GRM8: variants seen among roughly 807,000 people sequenced by gnomAD.
GRM8 encodes the protein glutamate metabotropic receptor 8.
In GRM8, 47 loss-of-function variants were observed where a neutral mutation model predicts 87.2. That is an observed-to-expected ratio of 0.54 (90% CI 0.43 to 0.69). GRM8 has a LOEUF of 0.69. GRM8 is among the 30% of genes least tolerant of loss of function. The pLI, the probability that GRM8 is intolerant of heterozygous loss-of-function variation, is 0.00. For synonymous variants in GRM8, 396 were observed against 404.5 expected (o/e 0.98, Z 0.25); for missense variants, 1,019 against 1,139.2 (o/e 0.89, Z 1.52).
chr7:127,099,708 T>C (rs370630265), intron 3 of GRM8, among the ~76,000 whole-genome samples: 39 of 152,328 alleles, frequency 2.6e-4, no homozygotes, highest in African/African-American at 7.5e-4. Context: ...TACTAACCTG[T>C]TGTCCTCCTA....
At chr7:126,491,779 T>C (rs141173292) in intron 9 of GRM8, among the ~76,000 whole-genome samples, 4 of 152,210 alleles carry the variant, frequency 2.6e-5, no homozygotes, top group African/African-American at 9.6e-5. Context: ...ACTTTAGCAA[T>C]ATAAGAAAAT....
At chr7:127,120,888 C>T (rs1438822980) in intron 2 of GRM8, among the ~76,000 whole-genome samples, 3 of 152,144 alleles carry the variant, frequency 2.0e-5, no homozygotes, top group Admixed American at 6.5e-5. Flanking sequence ...GCATCAAATG[C>T]TAGCATGGAG....
At chr7:127,029,110 G>A (rs975134881) in intron 3 of GRM8, among the ~76,000 whole-genome samples, 1 of 152,098 alleles carries the variant, frequency 6.6e-6, no homozygotes, top group African/African-American at 2.4e-5. Context: ...AGTTATTCAG[G>A]AGCAGATTGT....
chr7:126,729,190 C>T (rs1320156126), intron 7 of GRM8, among the ~76,000 whole-genome samples: 1 of 152,156 alleles, frequency 6.6e-6, no homozygotes, highest in African/African-American at 2.4e-5. Context: ...CCAATTGTAG[C>T]CCACATGATT....
intron 3 of GRM8, among the ~76,000 whole-genome samples, chr7:126,969,974 G>C (rs1349705476): frequency 6.6e-6 from 1 of 150,622 alleles, no homozygotes; most frequent in African/African-American, 2.4e-5. Context: ...TGTTCTCAAT[G>C]AGCAGTACTA....
chr7:126,581,150 T>G (rs1419499), intron 8 of GRM8, among the ~76,000 whole-genome samples: 46,872 of 151,726 alleles, frequency 0.31, 8,108 homozygotes, highest in East Asian at 0.44. Flanking sequence ...AGGTTTTCAA[T>G]TTTTAGAAAA....
chr7:127,050,349 G>A (rs1819342751), intron 3 of GRM8, among the ~76,000 whole-genome samples: 1 of 152,150 alleles, frequency 6.6e-6, no homozygotes, highest in Non-Finnish European at 1.5e-5. Flanking sequence ...CAGAAGACTG[G>A]AACCATGGAG....
intron 3 of GRM8, among the ~76,000 whole-genome samples, chr7:126,948,590 A>C (rs534157987): frequency 2.6e-5 from 4 of 152,014 alleles, no homozygotes; most frequent in Non-Finnish European, 5.9e-5. Flanking sequence ...AACAGACAGC[A>C]TGTCCCTAAA....
At chr7:126,976,421 C>T (rs534346182) in intron 3 of GRM8, among the ~76,000 whole-genome samples, 2 of 152,112 alleles carry the variant, frequency 1.3e-5, no homozygotes, top group East Asian at 3.9e-4. Flanking sequence ...TGGTGAAACC[C>T]GTCTCTACTA....
At chr7:127,136,951 G>GA (rs535982061) in intron 2 of GRM8, among the ~76,000 whole-genome samples, 25 of 151,412 alleles carry the variant, frequency 1.7e-4, no homozygotes, top group South Asian at 8.3e-4. Context: ...ATATATTTCT[G>GA]AAAAAAAAGA....
chr7:127,236,390 A>T (rs1272009200), intron 2 of GRM8, among the ~76,000 whole-genome samples: 2 of 152,180 alleles, frequency 1.3e-5, no homozygotes, highest in South Asian at 2.1e-4. Flanking sequence ...GGTTTAATTG[A>T]CTCACAGTTC....
At chr7:126,831,152 G>T (rs959812291) in intron 6 of GRM8, among the ~76,000 whole-genome samples, 1 of 152,170 alleles carries the variant, frequency 6.6e-6, no homozygotes, top group Admixed American at 6.5e-5. Flanking sequence ...TGGGGGTCAG[G>T]GGTCAGGGAC....
chr7:127,106,210 G>A (rs1462641123), intron 3 of GRM8, among the ~76,000 whole-genome samples: 1 of 152,046 alleles, frequency 6.6e-6, no homozygotes, highest in Non-Finnish European at 1.5e-5. Context: ...ATTTACAGTG[G>A]CTCTAATGTG....
chr7:126,727,797 A>G (rs1813173652), intron 7 of GRM8, among the ~76,000 whole-genome samples: 1 of 151,926 alleles, frequency 6.6e-6, no homozygotes, highest in South Asian at 2.1e-4. Context: ...CACACTCAAT[A>G]TCTATCTCCC....
intron 10 of GRM8, among the ~76,000 whole-genome samples, chr7:126,441,719 C>T (rs904972031): frequency 9.2e-5 from 14 of 152,060 alleles, no homozygotes; most frequent in African/African-American, 3.4e-4. Flanking sequence ...CTTAGTGACA[C>T]TATTGATGGA....
At chr7:126,910,354 C>T (rs1803159729) in intron 3 of GRM8, among the ~76,000 whole-genome samples, 1 of 151,930 alleles carries the variant, frequency 6.6e-6, no homozygotes, top group South Asian at 2.1e-4. Context: ...TCAAATTTAT[C>T]AGTATACCCC....
At chr7:127,221,486 G>A (rs190080740) in intron 2 of GRM8, among the ~76,000 whole-genome samples, 22 of 152,220 alleles carry the variant, frequency 1.4e-4, no homozygotes, top group African/African-American at 3.6e-4. Flanking sequence ...CAGGTTGCCC[G>A]TAGCTCAAGA....
intron 6 of GRM8, among the ~76,000 whole-genome samples, chr7:126,775,392 A>G (rs1039280190): frequency 2.6e-5 from 4 of 151,240 alleles, no homozygotes; most frequent in Admixed American, 2.6e-4. Flanking sequence ...TTGTTACTGC[A>G]TAGTGCAGTG....
chr7:127,105,355 G>C (rs1256233079), intron 3 of GRM8: 1 of 152,134 alleles, frequency 6.6e-6, no homozygotes, highest in African/African-American at 2.4e-5. Context: ...ACAAGACCAG[G>C]CCTTTCATAC....
Sources: allele counts gnomAD v4.1 joint callset (sites outside exome capture counted in the v4.1 genomes callset), GRCh38; gene constraint gnomAD v4.1.1; transcripts MANE v1.5; gene names NCBI Gene and HGNC (gene_info 2026-07-23, HGNC 2026-07-21).